Variants in DTNB observed in about 807,000 individuals in gnomAD.
DTNB encodes dystrobrevin beta.
A neutral mutation model predicts 90.7 loss-of-function variants in DTNB; 63 were observed. That is an observed-to-expected ratio of 0.69 (90% confidence interval 0.57 to 0.86). The LOEUF (loss-of-function observed/expected upper bound fraction) is 0.86. Among genes scored for constraint, DTNB ranks in the 40% least tolerant of loss-of-function variants. The probability of loss-of-function intolerance (pLI) is 0.00; values close to 1 mark genes in which losing one functional copy is unlikely to be tolerated. For synonymous variants in DTNB, 277 were observed against 286.7 expected, an observed-to-expected ratio of 0.97 and a Z score of 0.34; for missense variants, 744 against 807.1, an observed-to-expected ratio of 0.92 and a Z score of 0.95.
At chr2:25,420,546 G>T (rs1363699436) in intron 15 of DTNB, among the ~76,000 whole-genome samples, 1 of 150,504 alleles carries the variant, frequency 6.6e-6, no homozygotes, top group African/African-American at 2.5e-5. Flanking sequence ...ACAGAGTTTC[G>T]CTCTTGTTGC....
At chr2:25,580,556 T>C (rs2061415868) in intron 7 of DTNB, among the ~76,000 whole-genome samples, 165 bp downstream of exon 7, 2 of 151,902 alleles carry the variant, frequency 1.3e-5, no homozygotes, top group Non-Finnish European at 2.9e-5. Context: ...CCTCCCTTTT[T>C]TAAAAAAAAA....
chr2:25,419,734 G>A (rs1397586275), intron 15 of DTNB, among the ~76,000 whole-genome samples, 199 bp from the exon 16 acceptor site: 2 of 152,076 alleles, frequency 1.3e-5, no homozygotes, highest in Non-Finnish European at 2.9e-5. Context: ...GCCTCGGCCC[G>A]GTGAGTGATT....
At chr2:25,527,719 T>C (rs2077434776) in intron 9 of DTNB, among the ~76,000 whole-genome samples, 1 of 151,950 alleles carries the variant, frequency 6.6e-6, no homozygotes, top group Admixed American at 6.6e-5. Context: ...AAATAAACAA[T>C]AAAAATAGTC....
In DTNB at chr2:25,543,292, G is replaced by A. The variant is rs559126648; in HGVS notation, c.877-11695C>T. On this transcript the variant is annotated intron_variant, in intron 8 of 20. Coordinates refer to ENST00000406818, the MANE Select transcript of DTNB (RefSeq NM_021907.5). The stretch of plus-strand genomic sequence containing the variant: ...TCTCTTGTAAACAGCATAGAGACAG[G>A]TTTTTTTTGTTTTGTTTTTTGTTTT... 3.4e-5 allele frequency among the ~76,000 whole-genome samples: 5 copies of A among 146,328 alleles called. No individual in the cohort carries two copies. The East Asian group carries it at 1.1e-3, about 31-fold the overall frequency.
At chr2:25,415,714 C>T (rs2047747402) in intron 16 of DTNB, among the ~76,000 whole-genome samples, 1 of 152,026 alleles carries the variant, frequency 6.6e-6, no homozygotes, top group Admixed American at 6.6e-5. Flanking sequence ...TAATGGAACC[C>T]CCATAAAGAC....
At chr2:25,460,849 G>A (rs1359304013) in intron 10 of DTNB, among the ~76,000 whole-genome samples, 1 of 151,980 alleles carries the variant, frequency 6.6e-6, no homozygotes, top group African/African-American at 2.4e-5. Flanking sequence ...GAAATGGGAA[G>A]GAGAGATATA....
intron 6 of DTNB, among the ~76,000 whole-genome samples, chr2:25,588,114 C>T (rs1235790159): frequency 6.6e-6 from 1 of 151,608 alleles, no homozygotes; most frequent in African/African-American, 2.4e-5. Flanking sequence ...GGTTATATCT[C>T]AGTAATAAAA....
chr2:25,430,442 A>G (rs925172097), intron 14 of DTNB, among the ~76,000 whole-genome samples: 1 of 152,158 alleles, frequency 6.6e-6, no homozygotes, highest in Non-Finnish European at 1.5e-5. Flanking sequence ...GTGTGTGACC[A>G]AACAATTACG....
intron 16 of DTNB, among the ~76,000 whole-genome samples, chr2:25,397,337 CA>C (rs749225408): frequency 0.045 from 2,872 of 63,408 alleles, 65 homozygotes; most frequent in African/African-American, 0.13. Context: ...GACTCTGTCT[CA>C]AAAAAAAAAA....
At chr2:25,590,394 T>C (rs1401017142) in intron 6 of DTNB, among the ~76,000 whole-genome samples, 4 of 152,134 alleles carry the variant, frequency 2.6e-5, no homozygotes, top group Admixed American at 6.5e-5. Flanking sequence ...TATTGAGCAA[T>C]AGAACAGTTC....
At chr2:25,469,307 T>C (rs1045792452) in intron 10 of DTNB, among the ~76,000 whole-genome samples, 8 of 152,064 alleles carry the variant, frequency 5.3e-5, no homozygotes, top group Non-Finnish European at 7.4e-5. Flanking sequence ...TGTGCAAAAG[T>C]GCAGGTGAGA....
intron 8 of DTNB, among the ~76,000 whole-genome samples, chr2:25,565,941 C>T (rs922764043): frequency 6.6e-6 from 1 of 152,070 alleles, no homozygotes; most frequent in African/African-American, 2.4e-5. Context: ...TTACCTTCAG[C>T]GAACCCTGTC....
chr2:25,465,739 T>C (rs1473981725), intron 10 of DTNB, among the ~76,000 whole-genome samples: 1 of 152,218 alleles, frequency 6.6e-6, no homozygotes, highest in Non-Finnish European at 1.5e-5. Flanking sequence ...TTCAGATTCC[T>C]GATCAAAGTC....
chr2:25,518,113 T>TAAC (rs1264435873), intron 9 of DTNB, among the ~76,000 whole-genome samples: 1 of 152,058 alleles, frequency 6.6e-6, no homozygotes, highest in Non-Finnish European at 1.5e-5. Flanking sequence ...AAGATCTGTT[T>TAAC]AACAACAACA....
intron 11 of DTNB, among the ~76,000 whole-genome samples, chr2:25,454,425 C>G (rs879673610): frequency 4.6e-5 from 7 of 152,196 alleles, no homozygotes; most frequent in Non-Finnish European, 8.8e-5. Context: ...GCTTCAGCCT[C>G]TGTTATGTGT....
chr2:25,480,125 A>T (rs1240738965), intron 10 of DTNB, among the ~76,000 whole-genome samples: 3 of 152,224 alleles, frequency 2.0e-5, no homozygotes, highest in Non-Finnish European at 4.4e-5. Flanking sequence ...TAGTATCCAC[A>T]TGGTATATCA....
At chr2:25,558,139 C>T (rs2057673907) in intron 8 of DTNB, 2 of 940,462 alleles carry the variant, frequency 2.1e-6, no homozygotes, top group Non-Finnish European at 2.5e-6. Context: ...TTAACATGCA[C>T]ATTTCATAGC....
intron 3 of DTNB, 123 bp from the exon 4 acceptor site, chr2:25,628,507 T>C: frequency 1.1e-6 from 1 of 905,316 alleles, no homozygotes; most frequent in East Asian, 2.7e-5. Flanking sequence ...TAGCCAACAA[T>C]GAGGAAAACA....
At chr2:25,576,224 T>TC (rs2060636858) in intron 8 of DTNB, among the ~76,000 whole-genome samples, 1 of 143,168 alleles carries the variant, frequency 7.0e-6, no homozygotes, top group African/African-American at 2.6e-5. Context: ...CAGTTTTGTT[T>TC]TTTTTTTTTT....
Sources: allele counts gnomAD v4.1 joint callset (sites outside exome capture counted in the v4.1 genomes callset), GRCh38; gene constraint gnomAD v4.1.1; transcripts MANE v1.5; gene names NCBI Gene and HGNC (gene_info 2026-07-23, HGNC 2026-07-21).